SHB: variants seen among roughly 807,000 people sequenced by gnomAD.
SHB encodes the protein SH2 domain-containing adapter protein B.
A neutral mutation model predicts 52.3 loss-of-function variants in SHB; 20 were observed. That is an observed-to-expected ratio of 0.38 (90% CI 0.27 to 0.56). The LOEUF is 0.56. SHB is among the 20% of genes least tolerant of loss of function. The probability of loss-of-function intolerance (pLI) is 0.71; values close to 1 mark genes in which losing one functional copy is unlikely to be tolerated. For synonymous variants in SHB, 397 were observed against 316.5 expected (o/e 1.25, Z -2.70); for missense variants, 825 against 723.3 (o/e 1.14, Z -1.61).
chr9:37,993,863 C>A (rs1162371370), intron 2 of SHB, among the ~76,000 whole-genome samples: 4 of 152,184 alleles, frequency 2.6e-5, no homozygotes, highest in Non-Finnish European at 5.9e-5. Context: ...GAACTGAGAT[C>A]AACTCCAAGA....
chr9:37,925,737 A>AC (rs1329383205), intron 5 of SHB, among the ~76,000 whole-genome samples: 1 of 152,060 alleles, frequency 6.6e-6, no homozygotes, highest in Non-Finnish European at 1.5e-5. Flanking sequence ...ATTTTCCATT[A>AC]CCCCAAAGAA....
intron 2 of SHB, among the ~76,000 whole-genome samples, chr9:38,005,105 C>A (rs1821062761): frequency 6.6e-6 from 1 of 152,178 alleles, no homozygotes; most frequent in Non-Finnish European, 1.5e-5. Flanking sequence ...TCCAGGGGTT[C>A]CCAGTCTAGC....
chr9:38,004,507 C>T (rs1821056853), intron 2 of SHB, among the ~76,000 whole-genome samples: 1 of 152,134 alleles, frequency 6.6e-6, no homozygotes, highest in African/African-American at 2.4e-5. Flanking sequence ...CAGAGGTGTT[C>T]TGAACTGGGC....
Position 37,952,317 on chromosome 9 carries a change from C to T in SHB, c.1227-3563G>A, listed in dbSNP as rs559568112. On this transcript the variant is annotated intron_variant, in intron 4 of 5. Transcript: ENST00000377707. Reference sequence around the variant, plus strand: ...GTGGCCTGAGAACATGAGAAGGAGCCAATCGTGAAGAGCCAAAGAAAACAT... The same window carrying T: ...GTGGCCTGAGAACATGAGAAGGAGCTAATCGTGAAGAGCCAAAGAAAACAT... Among the ~76,000 whole-genome samples, 82 of 152,230 alleles carry T rather than the reference C, an allele frequency of 5.4e-4. 2 individuals are homozygous for T. The highest frequency in any genetic ancestry group is 2.8e-3 in the Admixed American group (43 of 15,288).
At chr9:38,053,363 G>C (rs1374376304) in intron 1 of SHB, among the ~76,000 whole-genome samples, 1 of 152,054 alleles carries the variant, frequency 6.6e-6, no homozygotes, top group Non-Finnish European at 1.5e-5. Flanking sequence ...TCAGCCTCCT[G>C]AGTAGCTGGG....
chr9:38,019,840 CTAAA>C lies in SHB; in HGVS notation c.718-3713_718-3710del, dbSNP rs545271932. ...ACTGCATCCATCAATAGAGGAATCG[CTAAA>C]TAAACTGTGCTAGTTCCATACGATG... On this transcript the variant is annotated intron_variant, in intron 1 of 5. Coordinates refer to ENST00000377707, the MANE Select transcript of SHB (RefSeq NM_003028.3). Among the ~76,000 whole-genome samples, 11 of 152,200 alleles carry C rather than the reference CTAAA, an allele frequency of 7.2e-5. No homozygotes were observed. The East Asian group carries it at 1.9e-3, about 27-fold the overall frequency.
intron 3 of SHB, among the ~76,000 whole-genome samples, chr9:37,963,587 C>A (rs1287637317): frequency 6.6e-6 from 1 of 152,116 alleles, no homozygotes; most frequent in African/African-American, 2.4e-5. Context: ...TCCTGCACAG[C>A]ACCAACAGCT....
chr9:38,067,778 G>A, intron 1 of SHB, 151 bp downstream of exon 1: 2 of 832,264 alleles, frequency 2.4e-6, no homozygotes, highest in Non-Finnish European at 3.4e-6. Context: ...GGCGCGGGAG[G>A]AGGCAGAAGC....
intron 3 of SHB, among the ~76,000 whole-genome samples, chr9:37,971,178 C>T (rs571100309): frequency 2.0e-5 from 3 of 152,308 alleles, no homozygotes; most frequent in Admixed American, 6.5e-5. Flanking sequence ...ACCAACGACT[C>T]GCTCAAGTGT....
intron 2 of SHB, among the ~76,000 whole-genome samples, chr9:38,015,794 A>C (rs1364297751): frequency 1.3e-5 from 2 of 151,854 alleles, no homozygotes. Flanking sequence ...TTGTATTTGG[A>C]CTCTCATGGT....
chr9:37,957,055 C>T (rs373559589), intron 3 of SHB, among the ~76,000 whole-genome samples: 37 of 152,326 alleles, frequency 2.4e-4, no homozygotes, highest in African/African-American at 6.3e-4. Flanking sequence ...GCCTTGGCTA[C>T]GCTATTGAAC....
chr9:38,045,273 T>G lies in SHB; in HGVS notation c.717+22656A>C, dbSNP rs534854270. Among the ~76,000 whole-genome samples, 5 of 152,204 alleles carry G rather than the reference T, an allele frequency of 3.3e-5. No individual in the cohort carries two copies. In the South Asian group the frequency reaches 1.0e-3, roughly 32 times the overall value. ...GTCAAGACTACAGCCACATGGGATA[T>G]CAGGTATGGAACTTTTCTTCTAGTA... On this transcript the variant is annotated intron_variant, in intron 1 of 5. Coordinates refer to ENST00000377707, the MANE Select transcript of SHB (RefSeq NM_003028.3).
chr9:37,972,028 T>C (rs1820595847), intron 3 of SHB, among the ~76,000 whole-genome samples: 1 of 152,120 alleles, frequency 6.6e-6, no homozygotes, highest in African/African-American at 2.4e-5. Context: ...GTGAGGCCAA[T>C]GCTGCTGGTT....
At chr9:37,988,833 G>A (rs115358809) in intron 2 of SHB, among the ~76,000 whole-genome samples, 3 of 152,192 alleles carry the variant, frequency 2.0e-5, no homozygotes, top group Admixed American at 6.5e-5. Flanking sequence ...ACCTTCTCCC[G>A]AGTCAGAGAG....
At chr9:37,928,013 A>G (rs370119295) in intron 5 of SHB, among the ~76,000 whole-genome samples, 3 of 151,758 alleles carry the variant, frequency 2.0e-5, no homozygotes, top group East Asian at 3.9e-4. Flanking sequence ...GTGTGTCGGA[A>G]ATTATTTTTC....
chr9:38,068,765 G>A lies in SHB; in HGVS notation c.-120C>T. On this transcript the variant is annotated 5_prime_UTR_variant, in exon 1 of 6. Coordinates refer to ENST00000377707, the MANE Select transcript of SHB (RefSeq NM_003028.3). ...GGCCCCGGCGGGGGGCGTCCGGGGCGCCCGCTCCCGACGCCAAGTTCAAGT... is the reference window on the plus strand; with the variant it reads ...GGCCCCGGCGGGGGGCGTCCGGGGCACCCGCTCCCGACGCCAAGTTCAAGT... The A allele has an allele frequency of 3.7e-6, 1 of 268,336 alleles. No individual in the cohort carries two copies. The highest frequency in any genetic ancestry group is 5.9e-6 in the Non-Finnish European group (1 of 170,682). The allele number at this position is 268,336 out of a possible 1,614,324, so 16.6% of individuals were successfully genotyped here.
intron 5 of SHB, among the ~76,000 whole-genome samples, chr9:37,948,293 A>G (rs1832517568): frequency 6.6e-6 from 1 of 152,186 alleles, no homozygotes; most frequent in Admixed American, 6.5e-5. Flanking sequence ...ATGTTCCTCA[A>G]AAAAATCAAA....
intron 1 of SHB, among the ~76,000 whole-genome samples, chr9:38,037,409 G>A (rs749199163): frequency 6.6e-6 from 1 of 152,102 alleles, no homozygotes; most frequent in Non-Finnish European, 1.5e-5. Flanking sequence ...CTTCCCCAGG[G>A]GGTCTTCACT....
At chr9:37,954,025 G>A (rs1195937305) in intron 4 of SHB, among the ~76,000 whole-genome samples, 1 of 152,204 alleles carries the variant, frequency 6.6e-6, no homozygotes, top group Non-Finnish European at 1.5e-5. Context: ...GGAGTGGGCA[G>A]GCTGGGCCCA....
Sources: gnomAD v4.1 joint callset for allele counts (sites outside exome capture counted in the v4.1 genomes callset) on GRCh38, gnomAD v4.1.1 for gene constraint, MANE v1.5 for transcripts, NCBI Gene and HGNC (gene_info 2026-07-23, HGNC 2026-07-21) for gene names.